Variants in CNIH3 observed in about 807,000 individuals in gnomAD.
CNIH3 encodes the protein protein cornichon homolog 3.
In CNIH3, 14 loss-of-function variants were observed where a neutral mutation model predicts 24.1. That is an observed-to-expected ratio of 0.58 (90% CI 0.38 to 0.91). The LOEUF (loss-of-function observed/expected upper bound fraction) is 0.91, where lower values mean the gene tolerates loss of function less well. CNIH3 is among the 40% of genes least tolerant of loss of function. CNIH3 has a pLI of 0.00. For synonymous variants in CNIH3, 68 were observed against 73.8 expected (o/e 0.92, Z 0.40); for missense variants, 178 against 196.8 (o/e 0.90, Z 0.57).
At chr1:224,711,891 T>A (rs1241180634) in intron 3 of CNIH3, among the ~76,000 whole-genome samples, 2 of 148,740 alleles carry the variant, frequency 1.3e-5, no homozygotes, top group East Asian at 2.1e-4. Context: ...ACAACTCCAA[T>A]AATTATTTCT....
chr1:224,675,218 A>G (rs141778561), intron 1 of CNIH3, among the ~76,000 whole-genome samples: 2 of 152,224 alleles, frequency 1.3e-5, no homozygotes, highest in South Asian at 2.1e-4. Context: ...AGATTTGACA[A>G]CTTCGATGAA....
At position 224,544,174 on chromosome 1, in the gene CNIH3, C is replaced by T. The variant is rs539272522; in HGVS notation, n.340-2655C>T. ...TTGTAGTTTTCTTTCTGTGAACTCA[C>T]CAGTGCATTCAGAAATAGTCAGTTC... On this transcript the variant is annotated intron_variant and non_coding_transcript_variant, in intron 2 of 5. Transcript: ENST00000471578. 1.4e-4 allele frequency among the ~76,000 whole-genome samples: 21 copies of T among 152,286 alleles called. No individual in the cohort carries two copies. In the South Asian group the frequency reaches 4.4e-3, roughly 32 times the overall value.
rs566827358 is a variant in CNIH3 at position 224,519,816 on chromosome 1, A to C, written n.16-1184A>C. ...GAGAACTTTGACTAACACGGTAGCT[A>C]CTAGCCACATGTGGCTATTGAGATG... On this transcript the variant is annotated intron_variant and non_coding_transcript_variant, in intron 1 of 2. Coordinates refer to the CNIH3 transcript ENST00000470602. Among the ~76,000 whole-genome samples the C allele has an allele frequency of 1.3e-5, 2 of 152,008 alleles. 1 individual carries two copies. Among genetic ancestry groups the C allele is most frequent in the South Asian group, 4.2e-4 (2 of 4,818 alleles).
At chr1:224,603,436 T>C (rs1204770129) in intron 3 of CNIH3, among the ~76,000 whole-genome samples, 1 of 152,232 alleles carries the variant, frequency 6.6e-6, no homozygotes, top group Non-Finnish European at 1.5e-5. Context: ...GGATACCTTT[T>C]GTCTTTGTAG....
At chr1:224,546,808 A>T (rs1679720642) in intron 2 of CNIH3, 1 of 677,306 alleles carries the variant, frequency 1.5e-6, no homozygotes, top group Admixed American at 6.3e-5. Flanking sequence ...TCAAGTCTGT[A>T]TCTCCCTCAT....
chr1:224,667,766 A>T (rs953728678), intron 1 of CNIH3, among the ~76,000 whole-genome samples: 1 of 151,810 alleles, frequency 6.6e-6, no homozygotes, highest in South Asian at 2.1e-4. Flanking sequence ...AAAAAAAAAA[A>T]ACCCATGACT....
At chr1:224,655,879 A>T (rs551511280) in intron 1 of CNIH3, among the ~76,000 whole-genome samples, 3 of 152,238 alleles carry the variant, frequency 2.0e-5, no homozygotes, top group Non-Finnish European at 4.4e-5. Flanking sequence ...GAGGGGCAGT[A>T]TGGAAGCAAA....
Position 224,465,297 on chromosome 1 carries a change from C to T in CNIH3, n.203+30435C>T, listed in dbSNP as rs896871705. 5.3e-5 allele frequency among the ~76,000 whole-genome samples: 8 copies of T among 152,112 alleles called. No homozygotes were observed. The East Asian group carries it at 5.8e-4, about 11-fold the overall frequency. ...ACTGATTTTGTATTTTTAGTAGAGA[C>T]GGGGTTTCTCCGTGTTGGTCAGGCT... On this transcript the variant is annotated intron_variant and non_coding_transcript_variant, in intron 1 of 5. Coordinates refer to the CNIH3 transcript ENST00000471578.
In CNIH3 at chr1:224,616,614, T is replaced by C. The variant is rs1359699846; in HGVS notation, c.-561T>C. On this transcript the variant is annotated 5_prime_UTR_variant, in exon 1 of 6. Coordinates refer to ENST00000272133, the MANE Select transcript of CNIH3 (RefSeq NM_152495.2). ...TCCTCCCGGCTACCTAAAGACTCCT[T>C]CTCTCGGGAAAGAGCGCTGCCCGGC... 3 of 986,794 alleles carry C rather than the reference T, an allele frequency of 3.0e-6. No homozygotes were observed. The highest frequency in any genetic ancestry group is 3.5e-5 in the African/African-American group (2 of 57,240). 61.1% of individuals were successfully genotyped at this position (986,794 alleles called of 1,614,324 possible).
chr1:224,659,449 G>A (rs948559069), intron 1 of CNIH3, among the ~76,000 whole-genome samples: 13 of 152,116 alleles, frequency 8.5e-5, no homozygotes, highest in African/African-American at 3.1e-4. Flanking sequence ...AGTTACCAAA[G>A]GGCAAAGATG....
intron 1 of CNIH3, among the ~76,000 whole-genome samples, chr1:224,644,651 A>T (rs1251611669): frequency 6.6e-6 from 1 of 152,220 alleles, no homozygotes; most frequent in African/African-American, 2.4e-5. Context: ...CCGCAAGCAG[A>T]TGACTGTCCT....
chr1:224,562,728 C>A (rs1680423440), intron 3 of CNIH3, among the ~76,000 whole-genome samples: 1 of 152,056 alleles, frequency 6.6e-6, no homozygotes, highest in Non-Finnish European at 1.5e-5. Context: ...CATGACACCC[C>A]TCCCCTCACT....
intron 5 of CNIH3, chr1:224,587,428 G>A (rs1270284326): frequency 6.6e-6 from 1 of 152,262 alleles, no homozygotes; most frequent in Non-Finnish European, 1.5e-5. Flanking sequence ...AAGGTAGGAA[G>A]TTTCTGCCTG....
At chr1:224,453,194 ACAGT>A (rs935119516) in intron 1 of CNIH3, among the ~76,000 whole-genome samples, 9 of 152,004 alleles carry the variant, frequency 5.9e-5, no homozygotes, top group African/African-American at 1.9e-4. Context: ...TTTTAGAGAG[ACAGT>A]CTGTCTCTGT....
chr1:224,690,493 AC>A (rs1686878101), intron 3 of CNIH3, among the ~76,000 whole-genome samples: 1 of 152,146 alleles, frequency 6.6e-6, no homozygotes, highest in Admixed American at 6.5e-5. Context: ...GATTACAGGC[AC>A]CCGGCCCCTT....
intron 3 of CNIH3, among the ~76,000 whole-genome samples, chr1:224,697,883 T>C (rs1355263381): frequency 6.6e-6 from 1 of 152,106 alleles, no homozygotes; most frequent in Non-Finnish European, 1.5e-5. Context: ...TCTCTAAAGG[T>C]AAAACCATGC....
chr1:224,575,016 C>T lies in CNIH3; in HGVS notation n.517-8148C>T, dbSNP rs997748489. 3.4e-6 allele frequency: 3 copies of T among 876,112 alleles called. No homozygotes were observed. In the African/African-American group the frequency reaches 4.9e-5, roughly 14 times the overall value. The allele number at this position is 876,112 out of a possible 1,614,324, so 54.3% of individuals were successfully genotyped here. On this transcript the variant is annotated intron_variant and non_coding_transcript_variant, in intron 4 of 5. Coordinates refer to the CNIH3 transcript ENST00000471578. ...GATTGAGTGCCACCCGTACCTCACT[C>T]AGGAGAAGTTAATCCAGTACTGCCA...
At chr1:224,573,415 C>A (rs922258756) in intron 4 of CNIH3, among the ~76,000 whole-genome samples, 2 of 152,074 alleles carry the variant, frequency 1.3e-5, no homozygotes, top group African/African-American at 2.4e-5. Flanking sequence ...GAGGAAAAGC[C>A]GAGCTCAGCC....
At chr1:224,599,815 G>A (rs969018267) in intron 3 of CNIH3, among the ~76,000 whole-genome samples, 1 of 152,044 alleles carries the variant, frequency 6.6e-6, no homozygotes, top group African/African-American at 2.4e-5. Context: ...TGTTTACTAA[G>A]GCTAATTCTC....
Sources: allele counts gnomAD v4.1 joint callset (sites outside exome capture counted in the v4.1 genomes callset), GRCh38; gene constraint gnomAD v4.1.1; transcripts MANE v1.5; gene names NCBI Gene and HGNC (gene_info 2026-07-23, HGNC 2026-07-21).